SLC8A1: variants seen among roughly 807,000 people sequenced by gnomAD.
SLC8A1 encodes solute carrier family 8 member A1.
SLC8A1 carries 18 observed loss-of-function variants against 68.3 expected under a neutral mutation model. The observed-to-expected ratio is 0.26, with a 90% CI of 0.18 to 0.39. SLC8A1 has a LOEUF of 0.39. Ranked by LOEUF, SLC8A1 falls within the 10% of genes least tolerant of loss-of-function variation. The pLI, the probability that SLC8A1 is intolerant of heterozygous loss-of-function variation, is 1.00. For missense variants in SLC8A1, 985 were observed against 1,156.7 expected (o/e 0.85, Z 2.15); for synonymous variants, 475 against 415.5 (o/e 1.14, Z -1.74).
chr2:40,146,384 G>T (rs1374066834), intron 6 of SLC8A1, among the ~76,000 whole-genome samples: 2 of 152,114 alleles, frequency 1.3e-5, no homozygotes, highest in African/African-American at 4.8e-5. Flanking sequence ...AGAGTCTCTG[G>T]CAGTCAGCTC....
intron 2 of SLC8A1, among the ~76,000 whole-genome samples, chr2:40,423,620 C>G (rs1696092731): frequency 6.6e-6 from 1 of 151,920 alleles, no homozygotes; most frequent in Non-Finnish European, 1.5e-5. Flanking sequence ...ATCTCAATTG[C>G]TAAGACAAAA....
At chr2:40,484,653 C>T (rs955552906) in intron 1 of SLC8A1, among the ~76,000 whole-genome samples, 6 of 152,130 alleles carry the variant, frequency 3.9e-5, no homozygotes, top group Admixed American at 2.0e-4. Context: ...AAACGTTAAA[C>T]GTGAGGGTTG....
chr2:40,185,337 A>G (rs373781325), intron 2 of SLC8A1, among the ~76,000 whole-genome samples: 1 of 152,342 alleles, frequency 6.6e-6, no homozygotes, highest in East Asian at 1.9e-4. Flanking sequence ...AGTGGAAACA[A>G]CTTAGGTTCA....
At chr2:40,447,875 T>C (rs1300111130) in intron 1 of SLC8A1, among the ~76,000 whole-genome samples, 2 of 152,214 alleles carry the variant, frequency 1.3e-5, no homozygotes, top group Non-Finnish European at 2.9e-5. Context: ...TGCCAGAGCT[T>C]TTCCTCTTCC....
chr2:40,503,461 A>G (rs1447025275), intron 1 of SLC8A1, among the ~76,000 whole-genome samples: 2 of 152,014 alleles, frequency 1.3e-5, no homozygotes, highest in Non-Finnish European at 2.9e-5. Context: ...TATCTAGAGC[A>G]ATCAGACAAC....
intron 2 of SLC8A1, 91 bp downstream of exon 3, chr2:40,178,296 A>T (rs2048843473): frequency 1.1e-6 from 1 of 938,370 alleles, no homozygotes. Flanking sequence ...GGATGTGTGC[A>T]TTGTAAGTCA....
chr2:40,422,065 C>A (rs1695661060), intron 2 of SLC8A1, among the ~76,000 whole-genome samples: 1 of 152,076 alleles, frequency 6.6e-6, no homozygotes, highest in Admixed American at 6.6e-5. Flanking sequence ...CACTCAGCAC[C>A]TTCCACTGGG....
chr2:40,232,181 G>A (rs2059737740), intron 2 of SLC8A1, among the ~76,000 whole-genome samples: 2 of 152,052 alleles, frequency 1.3e-5, no homozygotes, highest in African/African-American at 2.4e-5. Context: ...GAAAACCTTA[G>A]GAGACCCTGA....
chr2:40,157,204 A>G (rs1470322448), intron 6 of SLC8A1, among the ~76,000 whole-genome samples: 1 of 152,122 alleles, frequency 6.6e-6, no homozygotes, highest in Non-Finnish European at 1.5e-5. Flanking sequence ...CAAACAACCA[A>G]CTTTGGCGTT....
chr2:40,109,149 T>C (rs940554989), exon 8 of SLC8A1: 7 of 152,186 alleles, frequency 4.6e-5, no homozygotes, highest in African/African-American at 1.7e-4. Context: ...AACAGTGAAG[T>C]TAGCTAATTT....
intron 1 of SLC8A1, among the ~76,000 whole-genome samples, chr2:40,495,598 T>A (rs937129093): frequency 6.6e-6 from 1 of 152,044 alleles, no homozygotes; most frequent in Non-Finnish European, 1.5e-5. Flanking sequence ...CAATGAGAAC[T>A]TCGTGACAAA....
At chr2:40,482,792 T>C (rs1704717829) in intron 1 of SLC8A1, among the ~76,000 whole-genome samples, 1 of 146,448 alleles carries the variant, frequency 6.8e-6, no homozygotes, top group Non-Finnish European at 1.5e-5. Flanking sequence ...GTTAGCACTT[T>C]TTTTTTTTTT....
chr2:40,217,215 A>G (rs1028333398), intron 2 of SLC8A1, among the ~76,000 whole-genome samples: 5 of 152,182 alleles, frequency 3.3e-5, no homozygotes, highest in African/African-American at 7.2e-5. Flanking sequence ...ATGGCTAACC[A>G]GTTTTTCTAC....
At chr2:40,182,988 G>T (rs1204817763) in intron 2 of SLC8A1, among the ~76,000 whole-genome samples, 1 of 152,200 alleles carries the variant, frequency 6.6e-6, no homozygotes, top group Non-Finnish European at 1.5e-5. Flanking sequence ...CACATATTTA[G>T]ATGCTTACAG....
intron 2 of SLC8A1, among the ~76,000 whole-genome samples, chr2:40,269,165 C>G (rs1035959105): frequency 6.6e-6 from 1 of 152,148 alleles, no homozygotes; most frequent in African/African-American, 2.4e-5. Context: ...TTTACTTCGT[C>G]AATCAATCCA....
At chr2:40,150,051 T>TA (rs56010293) in intron 6 of SLC8A1, among the ~76,000 whole-genome samples, 55,636 of 121,478 alleles carry the variant, frequency 0.46, 13,419 homozygotes, top group Non-Finnish European at 0.54. Flanking sequence ...TCTTATTTGT[T>TA]AAAAAAAAAA....
chr2:40,407,868 C>G (rs888049722), intron 2 of SLC8A1, among the ~76,000 whole-genome samples: 1 of 152,194 alleles, frequency 6.6e-6, no homozygotes, highest in Non-Finnish European at 1.5e-5. Flanking sequence ...TTACAAGGAG[C>G]CAGCCTCCTG....
exon 5 of SLC8A1, chr2:40,164,980 T>A (rs769786310): frequency 1.1e-5 from 17 of 1,613,838 alleles, no homozygotes; most frequent in Non-Finnish European, 1.4e-5. Flanking sequence ...TGTCATCATA[T>A]TCGTCTGTGA....
chr2:40,378,362 G>A (rs1366018589), intron 2 of SLC8A1, among the ~76,000 whole-genome samples: 1 of 152,100 alleles, frequency 6.6e-6, no homozygotes, highest in African/African-American at 2.4e-5. Flanking sequence ...GCAGAAGGAT[G>A]AAGAAATGCA....
Sources: allele counts gnomAD v4.1 joint callset (sites outside exome capture counted in the v4.1 genomes callset), GRCh38; gene constraint gnomAD v4.1.1; transcripts MANE v1.5; gene names NCBI Gene and HGNC (gene_info 2026-07-23, HGNC 2026-07-21).